Variants in NAALADL2 observed in about 807,000 individuals in gnomAD.
NAALADL2 encodes the protein inactive N-acetylated-alpha-linked acidic dipeptidase-like protein 2.
In NAALADL2, 76 loss-of-function variants were observed where a neutral mutation model predicts 87.2. That is an observed-to-expected ratio of 0.87 (90% confidence interval 0.72 to 1.05). The LOEUF (loss-of-function observed/expected upper bound fraction) is 1.05, where lower values mean the gene tolerates loss of function less well. Ranked by LOEUF, NAALADL2 falls within the 50% of genes least tolerant of loss-of-function variation. The pLI is 0.00. For synonymous variants in NAALADL2, 354 were observed against 331.0 expected, an observed-to-expected ratio of 1.07 and a Z score of -0.75; for missense variants, 1,089 against 945.8, an observed-to-expected ratio of 1.15 and a Z score of -1.99.
At chr3:174,579,152 A>G (rs1483627105) in intron 2 of NAALADL2, among the ~76,000 whole-genome samples, 1 of 152,002 alleles carries the variant, frequency 6.6e-6, no homozygotes, top group East Asian at 1.9e-4. Flanking sequence ...AAAAAGTCTC[A>G]GCATTTTCTT....
At chr3:175,414,709 A>G (rs998034524) in intron 5 of NAALADL2, among the ~76,000 whole-genome samples, 7 of 152,192 alleles carry the variant, frequency 4.6e-5, no homozygotes, top group East Asian at 1.9e-4. Context: ...CTAAGAGCCA[A>G]TAGGTGCAGA....
chr3:174,562,513 C>T (rs559375417), intron 2 of NAALADL2, among the ~76,000 whole-genome samples: 25 of 152,120 alleles, frequency 1.6e-4, no homozygotes, highest in East Asian at 5.8e-4. Context: ...ATCCAGACTA[C>T]GGTAGAACTG....
At chr3:174,894,455 G>A (rs1399559904) in intron 1 of NAALADL2, among the ~76,000 whole-genome samples, 13 of 151,744 alleles carry the variant, frequency 8.6e-5, no homozygotes, top group African/African-American at 2.4e-4. Flanking sequence ...TTAACTGGGC[G>A]TGGTGGTGCA....
intron 5 of NAALADL2, among the ~76,000 whole-genome samples, chr3:175,401,766 C>T (rs1770588892): frequency 6.6e-6 from 1 of 152,104 alleles, no homozygotes; most frequent in South Asian, 2.1e-4. Context: ...CAGTGCATGA[C>T]TGTATTTATT....
intron 13 of NAALADL2, among the ~76,000 whole-genome samples, chr3:175,777,712 C>T (rs1247435392): frequency 6.6e-6 from 1 of 152,042 alleles, no homozygotes; most frequent in African/African-American, 2.4e-5. Context: ...GGGTTGTTGG[C>T]AAAACATGAG....
chr3:175,557,240 T>C (rs1262393448), intron 9 of NAALADL2, among the ~76,000 whole-genome samples: 3 of 152,212 alleles, frequency 2.0e-5, no homozygotes, highest in Non-Finnish European at 4.4e-5. Flanking sequence ...TTTCTGTTCT[T>C]TTAATTTATT....
intron 9 of NAALADL2, among the ~76,000 whole-genome samples, chr3:175,486,345 C>T (rs1015944833): frequency 6.6e-6 from 1 of 152,100 alleles, no homozygotes; most frequent in Non-Finnish European, 1.5e-5. Flanking sequence ...AGGCTCACCT[C>T]TAGGACTCAT....
At chr3:175,523,470 C>A (rs987831104) in intron 9 of NAALADL2, among the ~76,000 whole-genome samples, 8 of 152,200 alleles carry the variant, frequency 5.3e-5, no homozygotes, top group Non-Finnish European at 1.2e-4. Context: ...ATATTCTGCA[C>A]CTTTCCACCC....
At chr3:174,649,401 C>CAT (rs1724133974) in intron 2 of NAALADL2, among the ~76,000 whole-genome samples, 1 of 152,072 alleles carries the variant, frequency 6.6e-6, no homozygotes, top group African/African-American at 2.4e-5. Context: ...ATATAAAATA[C>CAT]ATATATATAC....
intron 5 of NAALADL2, among the ~76,000 whole-genome samples, chr3:175,350,174 C>T (rs1763612486): frequency 1.3e-5 from 2 of 151,632 alleles, no homozygotes. Flanking sequence ...TATCCTTTTC[C>T]TTTTGGTTTT....
intron 2 of NAALADL2, among the ~76,000 whole-genome samples, chr3:174,674,658 C>T (rs779469963): frequency 1.7e-4 from 26 of 151,928 alleles, no homozygotes; most frequent in Non-Finnish European, 3.2e-4. Context: ...AAAGCAGGTG[C>T]GAGAAGAGGC....
intron 13 of NAALADL2, among the ~76,000 whole-genome samples, chr3:175,790,570 T>G (rs1489321671): frequency 6.6e-6 from 1 of 152,242 alleles, no homozygotes. Flanking sequence ...ATTTACTTTC[T>G]TGTTTAAACA....
At chr3:175,301,748 G>A (rs1435587651) in intron 4 of NAALADL2, among the ~76,000 whole-genome samples, 1 of 152,250 alleles carries the variant, frequency 6.6e-6, no homozygotes, top group African/African-American at 2.4e-5. Flanking sequence ...AGTGAAGAAT[G>A]GAATATATCT....
chr3:175,601,625 T>C (rs970858177), intron 10 of NAALADL2, among the ~76,000 whole-genome samples: 5 of 152,120 alleles, frequency 3.3e-5, no homozygotes, highest in African/African-American at 1.2e-4. Flanking sequence ...TCATACTATC[T>C]CCCATAAAGA....
At chr3:175,067,276 G>T (rs4602401) in intron 1 of NAALADL2, among the ~76,000 whole-genome samples, 1 of 152,084 alleles carries the variant, frequency 6.6e-6, no homozygotes, top group South Asian at 2.1e-4. Context: ...CTTTGGCACC[G>T]CAAAAGAAGC....
chr3:175,284,375 T>G (rs1754720973), intron 4 of NAALADL2, among the ~76,000 whole-genome samples: 1 of 152,076 alleles, frequency 6.6e-6, no homozygotes, highest in Non-Finnish European at 1.5e-5. Context: ...TATCTTGAAA[T>G]ATTTCATTTT....
intron 10 of NAALADL2, among the ~76,000 whole-genome samples, chr3:175,595,394 G>T (rs1465811298): frequency 2.0e-5 from 3 of 151,682 alleles, no homozygotes; most frequent in African/African-American, 4.8e-5. Context: ...TTTTTGATTA[G>T]TGTAGCCTTG....
intron 10 of NAALADL2, among the ~76,000 whole-genome samples, chr3:175,577,192 ATTAT>A (rs771389765): frequency 6.6e-5 from 10 of 152,170 alleles, no homozygotes; most frequent in Non-Finnish European, 1.5e-4. Flanking sequence ...TACTCGACAA[ATTAT>A]TTAACATCTT....
At chr3:175,224,584 CCACTGCCAAACTTTTG>C (rs1743887831) in intron 2 of NAALADL2, among the ~76,000 whole-genome samples, 1 of 152,108 alleles carries the variant, frequency 6.6e-6, no homozygotes, top group South Asian at 2.1e-4. Context: ...CACCCACTCC[CCACTGCCAAACTTTTG>C]CTGAAAGTCT....
Sources: allele counts gnomAD v4.1 joint callset (sites outside exome capture counted in the v4.1 genomes callset), GRCh38; gene constraint gnomAD v4.1.1; transcripts MANE v1.5; gene names NCBI Gene and HGNC (gene_info 2026-07-23, HGNC 2026-07-21).